KAZN: variants seen among roughly 807,000 people sequenced by gnomAD.
The protein encoded by KAZN is kazrin.
A neutral mutation model predicts 87.4 loss-of-function variants in KAZN; 40 were observed. The ratio of observed to expected loss-of-function variants is 0.46; its 90% CI spans 0.36 to 0.60. The LOEUF is 0.60. Among genes scored for constraint, KAZN ranks in the 20% least tolerant of loss-of-function variants. The pLI is 0.00. For synonymous variants in KAZN, 466 were observed against 458.3 expected (o/e 1.02, Z -0.22); for missense variants, 898 against 1,073.9 (o/e 0.84, Z 2.29).
At chr1:14,182,438 G>A (rs1342435131) in intron 2 of KAZN, among the ~76,000 whole-genome samples, 1 of 152,174 alleles carries the variant, frequency 6.6e-6, no homozygotes, top group Non-Finnish European at 1.5e-5. Context: ...GTTGTGATGA[G>A]TTTAGTATAC....
At chr1:14,846,029 C>T (rs979248233) in intron 1 of KAZN, among the ~76,000 whole-genome samples, 4 of 152,166 alleles carry the variant, frequency 2.6e-5, no homozygotes, top group Admixed American at 6.5e-5. Context: ...CATGCTCCAT[C>T]GTTTGCTGGG....
chr1:13,985,764 A>G lies in KAZN; in HGVS notation c.91+92008A>G, dbSNP rs148955852. 1.5e-3 allele frequency among the ~76,000 whole-genome samples: 228 copies of G among 152,288 alleles called. 1 individual carries two copies. Among genetic ancestry groups the G allele is most frequent in the Middle Eastern group, 6.8e-3 (2 of 294 alleles). ...TGTGTATTCTGGACATTTTCTATAA[A>G]TGGAATTATACAGTGTGTGGTCCTT... On this transcript the variant is annotated intron_variant, in intron 1 of 16. Coordinates refer to the KAZN transcript ENST00000636203.
At chr1:14,533,585 G>T (rs545555525) in intron 2 of KAZN, among the ~76,000 whole-genome samples, 38 of 152,234 alleles carry the variant, frequency 2.5e-4, no homozygotes, top group Admixed American at 5.2e-4. Context: ...CAGTCTAGCA[G>T]ACCCATAATA....
intron 2 of KAZN, among the ~76,000 whole-genome samples, chr1:14,254,304 G>T (rs1321169907): frequency 6.6e-6 from 1 of 152,166 alleles, no homozygotes; most frequent in African/African-American, 2.4e-5. Flanking sequence ...TCTCATCTGT[G>T]TTTGAAGTTT....
chr1:14,374,541 C>CT lies in KAZN; in HGVS notation c.249+193957dup, dbSNP rs1182386580. ...TATCCATTATGCTAAATAACGAGCC[C>CT]TTTTTTTTCACCAATGAAAACCCAT... On this transcript the variant is annotated intron_variant, in intron 2 of 16. Coordinates refer to the KAZN transcript ENST00000636203. Among the ~76,000 whole-genome samples, 11 of 152,060 alleles carry CT rather than the reference C, an allele frequency of 7.2e-5. No individual in the cohort carries two copies. The South Asian group carries it at 1.2e-3, about 17-fold the overall frequency.
intron 1 of KAZN, among the ~76,000 whole-genome samples, chr1:14,053,072 C>G (rs998576624): frequency 6.6e-6 from 1 of 152,158 alleles, no homozygotes; most frequent in Non-Finnish European, 1.5e-5. Flanking sequence ...GATGCCACCC[C>G]GTGAGTCTGT....
intron 2 of KAZN, among the ~76,000 whole-genome samples, chr1:14,455,135 C>T (rs1667495820): frequency 6.6e-6 from 1 of 152,202 alleles, no homozygotes; most frequent in Non-Finnish European, 1.5e-5. Context: ...TCAGAAATGA[C>T]ATCGCAATGT....
At chr1:14,857,101 G>T (rs1450985459) in intron 1 of KAZN, among the ~76,000 whole-genome samples, 13 of 152,192 alleles carry the variant, frequency 8.5e-5, no homozygotes. Flanking sequence ...TCGGCGTCAG[G>T]TTACTAGCTG....
chr1:14,482,045 C>A (rs1669112883), intron 2 of KAZN, among the ~76,000 whole-genome samples: 1 of 152,160 alleles, frequency 6.6e-6, no homozygotes, highest in African/African-American at 2.4e-5. Flanking sequence ...TCCACGTGGA[C>A]CAGAGAGCCA....
At chr1:14,849,932 C>A (rs557894437) in intron 1 of KAZN, among the ~76,000 whole-genome samples, 2 of 138,334 alleles carry the variant, frequency 1.4e-5, no homozygotes, top group African/African-American at 6.5e-5. Flanking sequence ...AGATTTTCTA[C>A]CCCCCCTTTT....
At chr1:15,002,937 C>G (rs1364773984) in intron 2 of KAZN, among the ~76,000 whole-genome samples, 2 of 151,972 alleles carry the variant, frequency 1.3e-5, no homozygotes, top group Non-Finnish European at 2.9e-5. Context: ...GATGGCGCCA[C>G]TGCACTCCAG....
intron 2 of KAZN, among the ~76,000 whole-genome samples, chr1:14,582,414 C>G (rs184091359): frequency 1.3e-5 from 2 of 152,280 alleles, no homozygotes; most frequent in East Asian, 3.9e-4. Flanking sequence ...GAGGGCTGAA[C>G]TGGGAGACTT....
chr1:14,429,180 C>G (rs1296752950), intron 2 of KAZN, among the ~76,000 whole-genome samples: 1 of 152,122 alleles, frequency 6.6e-6, no homozygotes, highest in Non-Finnish European at 1.5e-5. Context: ...TATAAACACA[C>G]TAGAGAGAAT....
chr1:15,050,159 G>GATAGAATAGAATAGAATA (rs201481507), intron 4 of KAZN, among the ~76,000 whole-genome samples: 12 of 131,332 alleles, frequency 9.1e-5, no homozygotes, highest in African/African-American at 2.9e-4. Context: ...AGAATAGAAT[G>GATAGAATAGAATAGAATA]GAATAGAATA....
chr1:14,255,773 A>G (rs1056634873), intron 2 of KAZN, among the ~76,000 whole-genome samples: 1 of 152,216 alleles, frequency 6.6e-6, no homozygotes, highest in African/African-American at 2.4e-5. Context: ...TAGTATCATT[A>G]TGTCCATTTT....
intron 13 of KAZN, among the ~76,000 whole-genome samples, chr1:15,105,650 A>C (rs926833915): frequency 2.6e-5 from 4 of 151,974 alleles, no homozygotes; most frequent in African/African-American, 9.7e-5. Context: ...CTCAGGCCTG[A>C]GTCCTAAACC....
At chr1:14,896,069 T>G (rs1253724307) in intron 1 of KAZN, among the ~76,000 whole-genome samples, 1 of 128,934 alleles carries the variant, frequency 7.8e-6, no homozygotes, top group Non-Finnish European at 1.6e-5. Flanking sequence ...TTTTTTTTTT[T>G]TTTGGACACA....
At chr1:14,311,546 G>A (rs1214384109) in intron 2 of KAZN, among the ~76,000 whole-genome samples, 1 of 152,158 alleles carries the variant, frequency 6.6e-6, no homozygotes, top group African/African-American at 2.4e-5. Flanking sequence ...GTGGAGACCA[G>A]AATCAAGCCA....
chr1:14,861,378 C>CA (rs1176891526), intron 1 of KAZN, among the ~76,000 whole-genome samples: 1 of 151,398 alleles, frequency 6.6e-6, no homozygotes, highest in African/African-American at 2.4e-5. Context: ...GAGCCTGTCT[C>CA]AAAAAAAATA....
Sources: allele counts gnomAD v4.1 joint callset (sites outside exome capture counted in the v4.1 genomes callset), GRCh38; gene constraint gnomAD v4.1.1; transcripts MANE v1.5; gene names NCBI Gene and HGNC (gene_info 2026-07-23, HGNC 2026-07-21).